COLGALT1: variants seen among roughly 807,000 people sequenced by gnomAD.
COLGALT1 encodes the protein procollagen galactosyltransferase 1.
COLGALT1 carries 43 observed loss-of-function variants against 60.8 expected under a neutral mutation model. That is an observed-to-expected ratio of 0.71 (90% CI 0.55 to 0.91). COLGALT1 has a LOEUF of 0.91. Ranked by LOEUF, COLGALT1 falls within the 40% of genes least tolerant of loss-of-function variation. The pLI is 0.00. For missense variants in COLGALT1, 845 were observed against 880.0 expected, an observed-to-expected ratio of 0.96 and a Z score of 0.50; for synonymous variants, 369 against 374.2, an observed-to-expected ratio of 0.99 and a Z score of 0.16.
At chr19:17,580,575 C>T (rs1305909785) in intron 10 of COLGALT1, 124 bp from the exon 11 acceptor site, 22 of 878,798 alleles carry the variant, frequency 2.5e-5, no homozygotes, top group Non-Finnish European at 3.5e-5. Context: ...AGTCACAGAG[C>T]TCTGCAAACA....
intron 10 of COLGALT1, 93 bp from the exon 11 acceptor site, chr19:17,580,606 C>A: frequency 7.9e-7 from 1 of 1,273,316 alleles, no homozygotes; most frequent in Non-Finnish European, 1.1e-6. Context: ...GCTCCCATCC[C>A]AGGACCTGAC....
intron 3 of COLGALT1, among the ~76,000 whole-genome samples, chr19:17,562,357 T>C (rs535418737): frequency 6.6e-6 from 1 of 151,984 alleles, no homozygotes; most frequent in African/African-American, 2.4e-5. Context: ...GTGTTCTGAT[T>C]TGAGATTTTC....
chr19:17,577,458 T>TGGAC lies in COLGALT1; in HGVS notation c.1127_1130dup (p.Lys378ArgfsTer33). ...ATCGAGTGCCGGCTGGTGGAGGCCGTGGACGGCAAGTGAGTCCGAGGCCTG... is the reference window on the plus strand; with the variant it reads ...ATCGAGTGCCGGCTGGTGGAGGCCGTGGACGGACGGCAAGTGAGTCCGAGGCCTG... On this transcript the variant is annotated frameshift_variant, in exon 8 of 12. Transcript: ENST00000252599. LOFTEE classifies it high-confidence loss of function. 1 of 780,132 alleles carries TGGAC rather than the reference T, an allele frequency of 1.3e-6. No individual in the cohort carries two copies. Among genetic ancestry groups the TGGAC allele is most frequent in the Non-Finnish European group, 1.5e-6 (1 of 661,678 alleles). The allele number at this position is 780,132 out of a possible 1,614,324, so 48.3% of individuals were successfully genotyped here.
chr19:17,566,390 C>T (rs2076279985), intron 3 of COLGALT1, among the ~76,000 whole-genome samples: 1 of 151,938 alleles, frequency 6.6e-6, no homozygotes, highest in Non-Finnish European at 1.5e-5. Context: ...AAAAAACCTT[C>T]TGGTAGTTCT....
Position 17,577,200 on chromosome 19 carries a change from C to A in COLGALT1, c.955C>A (p.His319Asn). Residue 319 changes from histidine (H) to asparagine (N), a missense_variant, in exon 7 of 12, where the codon CAC (histidine) becomes AAC (asparagine). By Grantham distance (68) the His-to-Asn change is moderately conservative. Transcript: ENST00000252599. Reference protein sequence around the residue: ...MHVQLEVMVKHPPAEPSRFIS... With the variant: ...MHVQLEVMVKNPPAEPSRFIS... Reference sequence around the variant, plus strand: ...TCAACGTCTGTGCCCCACAGTGAAGCACCCGCCCGCAGAGCCCTCCCGCTT... The same window carrying A: ...TCAACGTCTGTGCCCCACAGTGAAGAACCCGCCCGCAGAGCCCTCCCGCTT... The A allele has an allele frequency of 1.2e-6, 2 of 1,613,164 alleles. No individual in the cohort carries two copies. The highest frequency in any genetic ancestry group is 2.2e-5 in the South Asian group (2 of 91,056).
chr19:17,561,042 T>A (rs1555768117), intron 3 of COLGALT1, among the ~76,000 whole-genome samples: 1 of 151,310 alleles, frequency 6.6e-6, no homozygotes, highest in Non-Finnish European at 1.5e-5. Context: ...CCATCTCTAC[T>A]AAAAATACAA....
intron 3 of COLGALT1, among the ~76,000 whole-genome samples, chr19:17,562,055 G>A (rs1313682176): frequency 6.6e-6 from 1 of 152,100 alleles, no homozygotes; most frequent in Non-Finnish European, 1.5e-5. Context: ...AATTTTAGTA[G>A]AGACGGGGTT....
chr19:17,582,076 T>C lies in COLGALT1; in HGVS notation c.*632T>C, dbSNP rs1460799590. On this transcript the variant is annotated 3_prime_UTR_variant, in exon 12 of 12. Transcript: ENST00000252599. ...GGTGCGTGCCATCACATCTGGCTAG[T>C]TTTTGTATTTTTAGTAGAGACGGGG... The C allele has an allele frequency of 6.5e-6, 1 of 152,868 alleles. No individual in the cohort carries two copies. The highest frequency in any genetic ancestry group is 2.4e-5 in the African/African-American group (1 of 41,364). 9.5% of individuals were successfully genotyped at this position (152,868 alleles called of 1,614,324 possible).
At chr19:17,565,145 C>A (rs1185416865) in intron 3 of COLGALT1, among the ~76,000 whole-genome samples, 1 of 122,074 alleles carries the variant, frequency 8.2e-6, no homozygotes, top group African/African-American at 3.3e-5. Flanking sequence ...TCACTTCCAC[C>A]TTTTTTGGCT....
Position 17,582,728 on chromosome 19 carries a change from A to G in COLGALT1, c.*1284A>G, listed in dbSNP as rs1218600975. ...CGGTCGTCTGAGCTGTGTGCAGACA[A>G]CATCCCCCCACCACCCAAGAGGGAG... On this transcript the variant is annotated 3_prime_UTR_variant, in exon 12 of 12. Coordinates refer to ENST00000252599, the MANE Select transcript of COLGALT1 (RefSeq NM_024656.4). 6.6e-6 allele frequency: 1 copy of G among 152,326 alleles called. No homozygotes were observed. The highest frequency in any genetic ancestry group is 1.5e-5 in the Non-Finnish European group (1 of 68,132). The allele number at this position is 152,326 out of a possible 1,614,324, so 9.4% of individuals were successfully genotyped here.
Position 17,580,758 on chromosome 19 carries a change from G to A in COLGALT1, c.1454G>A (p.Arg485Lys). ...EHPEKAVPRV[R>K]NLVEADYSYW... is the part of the protein sequence containing the mutation. ...CCCGAGAAGGCTGTGCCTCGCGTGA[G>A]GAACCTGGTGGAGGCCGACTATTCC... The change falls in exon 11 of 12, where the codon AGG becomes AAG. Residue 485 changes from arginine to lysine, a missense_variant. Physicochemically the swap from Arg to Lys is conservative, Grantham distance 26 (BLOSUM62 2). Transcript: ENST00000252599. 1 of 1,614,104 alleles carries A rather than the reference G, an allele frequency of 6.2e-7. No homozygotes were observed. Among genetic ancestry groups the A allele is most frequent in the Non-Finnish European group, 8.5e-7 (1 of 1,180,028 alleles).
rs1344847224 is a variant in COLGALT1 at position 17,567,445 on chromosome 19, C to G, written c.529C>G (p.Leu177Val). The G allele has an allele frequency of 1.9e-6, 3 of 1,613,964 alleles. No individual in the cohort carries two copies. The Admixed American group carries it at 5.0e-5, about 27-fold the overall frequency. Residue 177 changes from leucine (L) to valine (V), a missense_variant, in exon 4 of 12, where the codon CTG becomes GTG. Leu to Val is a conservative substitution (Grantham distance 32). Coordinates refer to ENST00000252599, the MANE Select transcript of COLGALT1 (RefSeq NM_024656.4). ...ADNLILNPDT[L>V]SLLIAENKTV... ...CAACCTGATCCTCAACCCTGACACA[C>G]TGAGCCTGCTCATCGCTGAGAACAA...
intron 2 of COLGALT1, among the ~76,000 whole-genome samples, chr19:17,559,685 G>A (rs992972215): frequency 3.9e-5 from 6 of 152,102 alleles, no homozygotes; most frequent in African/African-American, 1.2e-4. Flanking sequence ...TTTGTTCCCT[G>A]GCTCACTGAC....
chr19:17,559,180 G>C, intron 1 of COLGALT1, 131 bp from the exon 2 acceptor site: 1 of 700,026 alleles, frequency 1.4e-6, no homozygotes, highest in Non-Finnish European at 2.6e-6. Context: ...AAAGGAAAGG[G>C]AGAAGTGTCC....
At position 17,581,170 on chromosome 19, in the gene COLGALT1, C is replaced by A. The variant is rs377243848; in HGVS notation, c.1602-7C>A. ...GCTGCCCCTCACTCCCCTCCTCCTC[C>A]CCCCAGGTCCGAGTACAAGGCCCAC... On this transcript the variant is annotated splice_region_variant and splice_polypyrimidine_tract_variant and intron_variant, in intron 11 of 11. Coordinates refer to ENST00000252599, the MANE Select transcript of COLGALT1 (RefSeq NM_024656.4). The A allele has an allele frequency of 9.4e-6, 15 of 1,603,014 alleles. No individual in the cohort carries two copies. Among genetic ancestry groups the A allele is most frequent in the Non-Finnish European group, 1.3e-5 (15 of 1,175,852 alleles).
At chr19:17,565,832 G>A (rs2144825013) in intron 3 of COLGALT1, among the ~76,000 whole-genome samples, 1 of 152,246 alleles carries the variant, frequency 6.6e-6, no homozygotes, top group Non-Finnish European at 1.5e-5. Flanking sequence ...ATATTCAAAG[G>A]TCACAGATTC....
Position 17,567,507 on chromosome 19 carries a change from G to C in COLGALT1, c.591G>C (p.Ala197=). 1 of 1,613,780 alleles carries C rather than the reference G, an allele frequency of 6.2e-7. No individual in the cohort carries two copies. Among genetic ancestry groups the C allele is most frequent in the African/African-American group, 1.3e-5 (1 of 75,052 alleles). ...CCCCCATGCTGGATTCCCGGGCTGC[G>C]TACTCCAACTTCTGGTGTGGAATGA... The part of the protein sequence containing the change: ...VVAPMLDSRA[A]YSNFWCGMTS... The change falls in exon 4 of 12, where the codon GCG becomes GCC. Residue 197 remains alanine (A), a synonymous_variant. Coordinates refer to ENST00000252599, the MANE Select transcript of COLGALT1 (RefSeq NM_024656.4).
At chr19:17,563,305 T>C (rs2076260258) in intron 3 of COLGALT1, among the ~76,000 whole-genome samples, 1 of 148,412 alleles carries the variant, frequency 6.7e-6, no homozygotes, top group Non-Finnish European at 1.5e-5. Context: ...ACTCTCCTGC[T>C]TCGGCCTCCC....
chr19:17,577,927 T>C (rs1248657533), intron 8 of COLGALT1, 30 bp from the exon 9 acceptor site: 7 of 1,583,736 alleles, frequency 4.4e-6, no homozygotes, highest in Non-Finnish European at 6.0e-6. Flanking sequence ...GGGTGAACCT[T>C]CTTCGTGACC....
Sources: allele counts gnomAD v4.1 joint callset (sites outside exome capture counted in the v4.1 genomes callset), GRCh38; gene constraint gnomAD v4.1.1; transcripts MANE v1.5; gene names NCBI Gene and HGNC (gene_info 2026-07-23, HGNC 2026-07-21).